SLC25A21: variants seen among roughly 807,000 people sequenced by gnomAD.
SLC25A21 encodes the protein solute carrier family 25 member 21, also known as mitochondrial 2-oxodicarboxylate carrier.
Under a neutral mutation model 43.8 loss-of-function variants are expected in SLC25A21, and 47 were observed. The observed-to-expected ratio is 1.07, with a 90% CI of 0.85 to 1.37. The LOEUF (loss-of-function observed/expected upper bound fraction) is 1.37, where lower values mean the gene tolerates loss of function less well. Ranked by LOEUF, SLC25A21 falls within the 40% of genes most tolerant of loss-of-function variation. The pLI, the probability that SLC25A21 is intolerant of heterozygous loss-of-function variation, is 0.00. For missense variants in SLC25A21, 352 were observed against 350.2 expected (o/e 1.00, Z -0.04); for synonymous variants, 131 against 121.3 (o/e 1.08, Z -0.52).
intron 2 of SLC25A21, among the ~76,000 whole-genome samples, chr14:36,867,751 C>T (rs1261529893): frequency 6.6e-6 from 1 of 151,864 alleles, no homozygotes; most frequent in African/African-American, 2.4e-5. Context: ...CTTTGTATTC[C>T]CCCCATTTTT....
intron 2 of SLC25A21, among the ~76,000 whole-genome samples, chr14:36,869,637 T>A (rs1890313235): frequency 6.6e-6 from 1 of 152,186 alleles, no homozygotes; most frequent in African/African-American, 2.4e-5. Flanking sequence ...ACCTGAGGCT[T>A]ACTCTTTGGA....
intron 3 of SLC25A21, among the ~76,000 whole-genome samples, chr14:36,773,275 C>T (rs1006318771): frequency 7.2e-5 from 11 of 152,002 alleles, no homozygotes; most frequent in Non-Finnish European, 1.6e-4. Flanking sequence ...TGAGTCAGAC[C>T]CGTCAGACTC....
chr14:37,015,079 T>G (rs1230362626), intron 1 of SLC25A21, among the ~76,000 whole-genome samples: 1 of 152,092 alleles, frequency 6.6e-6, no homozygotes, highest in Non-Finnish European at 1.5e-5. Flanking sequence ...TTAGGGTACA[T>G]GTGCACAACG....
intron 1 of SLC25A21, among the ~76,000 whole-genome samples, chr14:36,960,492 C>CT (rs1183483680): frequency 6.6e-6 from 1 of 151,978 alleles, no homozygotes; most frequent in Non-Finnish European, 1.5e-5. Context: ...TGTAATAATT[C>CT]TTTATATTTC....
chr14:36,950,094 G>A (rs542547711), intron 1 of SLC25A21, among the ~76,000 whole-genome samples: 40 of 152,240 alleles, frequency 2.6e-4, no homozygotes, highest in Non-Finnish European at 5.1e-4. Flanking sequence ...AGCATCTTAG[G>A]AGACTAGTAT....
chr14:37,136,336 A>G (rs548878832), intron 1 of SLC25A21, among the ~76,000 whole-genome samples: 1 of 152,342 alleles, frequency 6.6e-6, no homozygotes, highest in East Asian at 1.9e-4. Context: ...ATAGCCTTTC[A>G]TGCCTAAGTA....
At chr14:36,977,954 T>A (rs201107174) in intron 1 of SLC25A21, among the ~76,000 whole-genome samples, 14,138 of 120,796 alleles carry the variant, frequency 0.12, 1,238 homozygotes, top group African/African-American at 0.25. Flanking sequence ...TTTTTTTTTT[T>A]AAAAAAAAAA....
At chr14:36,736,004 C>T (rs940385176) in intron 3 of SLC25A21, among the ~76,000 whole-genome samples, 12 of 141,330 alleles carry the variant, frequency 8.5e-5, no homozygotes, top group Non-Finnish European at 1.6e-4. Flanking sequence ...GGGCGCATCT[C>T]GGCTCACTGC....
chr14:37,088,790 C>T (rs1196803723), intron 1 of SLC25A21, among the ~76,000 whole-genome samples: 3 of 152,090 alleles, frequency 2.0e-5, no homozygotes, highest in Non-Finnish European at 4.4e-5. Flanking sequence ...AAGAAAACAC[C>T]CAGGCAGTGC....
chr14:36,680,251 T>C lies in SLC25A21; in HGVS notation c.*407A>G. 1.1e-6 allele frequency: 1 copy of C among 947,234 alleles called. No individual in the cohort carries two copies. The highest frequency in any genetic ancestry group is 1.8e-5 in the African/African-American group (1 of 56,354). The allele number at this position is 947,234 out of a possible 1,614,324, so 58.7% of individuals were successfully genotyped here. ...CTTAACTTTTTTTTAATCCAGTCTTTGAATAATTTGATTTATTTTCAATAG... is the reference window on the plus strand; with the variant it reads ...CTTAACTTTTTTTTAATCCAGTCTTCGAATAATTTGATTTATTTTCAATAG... On this transcript the variant is annotated 3_prime_UTR_variant, in exon 10 of 10. Transcript: ENST00000331299.
intron 3 of SLC25A21, among the ~76,000 whole-genome samples, chr14:36,754,503 A>G (rs1885848674): frequency 6.6e-6 from 1 of 152,196 alleles, no homozygotes; most frequent in Non-Finnish European, 1.5e-5. Flanking sequence ...ACACAATTTG[A>G]TTTCATCTTT....
intron 7 of SLC25A21, among the ~76,000 whole-genome samples, chr14:36,702,491 A>G (rs937101747): frequency 4.6e-5 from 7 of 150,888 alleles, no homozygotes; most frequent in Admixed American, 2.0e-4. Flanking sequence ...AAAAAAAAAA[A>G]AAAAAGAAAG....
intron 1 of SLC25A21, among the ~76,000 whole-genome samples, chr14:36,981,001 A>T (rs1960007289): frequency 6.6e-6 from 1 of 152,176 alleles, no homozygotes; most frequent in African/African-American, 2.4e-5. Context: ...AAAAAATCAA[A>T]CAAACCCATC....
At chr14:37,136,546 G>A (rs879877582) in intron 1 of SLC25A21, among the ~76,000 whole-genome samples, 2 of 152,054 alleles carry the variant, frequency 1.3e-5, no homozygotes, top group South Asian at 2.1e-4. Flanking sequence ...ATACTCCCAG[G>A]TATTCACCCA....
At chr14:36,716,076 G>GT in intron 6 of SLC25A21, among the ~76,000 whole-genome samples, 1 of 151,966 alleles carries the variant, frequency 6.6e-6, no homozygotes, top group East Asian at 1.9e-4. Flanking sequence ...GGGAGACAGA[G>GT]TGAGACTCTG....
At chr14:37,148,183 G>A (rs1010154373) in intron 1 of SLC25A21, among the ~76,000 whole-genome samples, 1 of 152,078 alleles carries the variant, frequency 6.6e-6, no homozygotes, top group Admixed American at 6.6e-5. Flanking sequence ...CCTACATATG[G>A]TAACTGTGAG....
chr14:36,747,317 G>T (rs547633971), intron 3 of SLC25A21, among the ~76,000 whole-genome samples: 7 of 152,168 alleles, frequency 4.6e-5, no homozygotes, highest in African/African-American at 1.7e-4. Flanking sequence ...TCAACCACAT[G>T]TTAGCTGTTT....
At chr14:36,880,566 C>T (rs1363470481) in intron 1 of SLC25A21, among the ~76,000 whole-genome samples, 1 of 152,118 alleles carries the variant, frequency 6.6e-6, no homozygotes, top group Non-Finnish European at 1.5e-5. Flanking sequence ...ATGGCTGGTA[C>T]TCAGTATGCT....
intron 3 of SLC25A21, among the ~76,000 whole-genome samples, chr14:36,787,562 A>G (rs1052333604): frequency 2.0e-5 from 3 of 152,212 alleles, no homozygotes; most frequent in Non-Finnish European, 1.5e-5. Context: ...AAAAGATGAA[A>G]AGAGTGAATA....
Sources: allele counts gnomAD v4.1 joint callset (sites outside exome capture counted in the v4.1 genomes callset), GRCh38; gene constraint gnomAD v4.1.1; transcripts MANE v1.5; gene names NCBI Gene and HGNC (gene_info 2026-07-23, HGNC 2026-07-21).